The following TIMP3 variants were observed in gnomAD, a reference collection of about 807,000 sequenced individuals.
TIMP3 encodes the protein metalloproteinase inhibitor 3.
A neutral mutation model predicts 30.0 loss-of-function variants in TIMP3; 11 were observed. That is an observed-to-expected ratio of 0.37 (90% CI 0.23 to 0.61). TIMP3 has a LOEUF of 0.61. Ranked by LOEUF, TIMP3 falls within the 20% of genes least tolerant of loss-of-function variation. The probability of loss-of-function intolerance (pLI) is 0.70; values close to 1 mark genes in which losing one functional copy is unlikely to be tolerated. For missense variants in TIMP3, 181 were observed against 276.8 expected (o/e 0.65, Z 2.45); for synonymous variants, 112 against 111.3 (o/e 1.01, Z -0.04).
At position 32,831,130 on chromosome 22, in the gene TIMP3, G is replaced by A. The variant is rs181191429; in HGVS notation, c.122-18322G>A. On this transcript the variant is annotated intron_variant, in intron 1 of 4. Transcript: ENST00000266085. The stretch of plus-strand genomic sequence containing the variant: ...GGCTGAGGTTGAAGTTGAGATCAAG[G>A]TGGCAGCGTGACCCTTATGCCTCAA... Among the ~76,000 whole-genome samples the A allele has an allele frequency of 5.3e-5, 8 of 152,290 alleles. No homozygotes were observed. In the East Asian group the frequency reaches 1.5e-3, roughly 29 times the overall value.
chr22:32,859,379 C>A lies in TIMP3; in HGVS notation c.*2C>A, dbSNP rs151254004. 6.2e-7 allele frequency: 1 copy of A among 1,607,938 alleles called. No homozygotes were observed. On this transcript the variant is annotated 3_prime_UTR_variant, in exon 5 of 5. Coordinates refer to ENST00000266085, the MANE Select transcript of TIMP3 (RefSeq NM_000362.5). ...ATCATCAATGCCACAGACCCCTGAG[C>A]GCCAGACCCTGCCCCACCTCACTTC...
At chr22:32,827,500 G>A (rs2047446935) in intron 1 of TIMP3, among the ~76,000 whole-genome samples, 1 of 152,142 alleles carries the variant, frequency 6.6e-6, no homozygotes, top group Admixed American at 6.5e-5. Flanking sequence ...GTACCTCTGG[G>A]CTTTTCTAGG....
chr22:32,853,343 G>A (rs573459422), intron 2 of TIMP3, among the ~76,000 whole-genome samples: 2 of 152,176 alleles, frequency 1.3e-5, no homozygotes, highest in Admixed American at 6.5e-5. Flanking sequence ...AGAATTTGTG[G>A]GTTTAAATGA....
rs1169816365 is a variant in TIMP3, at chr22:32,814,272, GGA to G, written c.121+12156_121+12157del. ...AGGAAAGAAAGAAAGAGGGAGGGAG[GGA>G]GAGAGGGAGAGAGGGAAGGAAGGAA... On this transcript the variant is annotated intron_variant, in intron 1 of 4. Transcript: ENST00000266085. Among the ~76,000 whole-genome samples, 58 of 36,762 alleles carry G rather than the reference GGA, an allele frequency of 1.6e-3. 1 individual carries two copies. The South Asian group carries it at 0.029, about 18-fold the overall frequency. The allele number at this position is 36,762 out of a possible 152,430, so 24.1% of individuals were successfully genotyped here. A position where few individuals can be genotyped will look rare whatever the true frequency, so the allele number is the denominator to read the frequency against.
chr22:32,852,991 T>G (rs1283759181), intron 2 of TIMP3, among the ~76,000 whole-genome samples: 3 of 152,232 alleles, frequency 2.0e-5, no homozygotes, highest in African/African-American at 7.2e-5. Flanking sequence ...ATGTCCCAGC[T>G]GGTCCTGGGA....
At chr22:32,819,480 T>C (rs1025576017) in intron 1 of TIMP3, among the ~76,000 whole-genome samples, 32 of 152,228 alleles carry the variant, frequency 2.1e-4, no homozygotes, top group African/African-American at 7.7e-4. Flanking sequence ...AGGATGTCCA[T>C]TGACTATAAA....
chr22:32,834,327 T>TTA (rs919470081), intron 1 of TIMP3, among the ~76,000 whole-genome samples: 22 of 102,336 alleles, frequency 2.1e-4, no homozygotes, highest in Non-Finnish European at 4.9e-4. Context: ...TAATTTATTT[T>TTA]TTTTTTTGTA....
chr22:32,839,931 G>A (rs1039575783), intron 1 of TIMP3, among the ~76,000 whole-genome samples: 2 of 151,794 alleles, frequency 1.3e-5, no homozygotes, highest in Non-Finnish European at 2.9e-5. Flanking sequence ...TTCCCAGACC[G>A]CTCAAGCAGA....
chr22:32,862,879 T>G lies in TIMP3; in HGVS notation c.*3502T>G, dbSNP rs1802677. Reference sequence around the variant, plus strand: ...GATCTCGAACCCTGTCTAGAAGGAATGTATTTGTTGCTAAATTTCGTAGCA... The same window carrying G: ...GATCTCGAACCCTGTCTAGAAGGAAGGTATTTGTTGCTAAATTTCGTAGCA... On this transcript the variant is annotated 3_prime_UTR_variant, in exon 5 of 5. Coordinates refer to ENST00000266085, the MANE Select transcript of TIMP3 (RefSeq NM_000362.5). The G allele has an allele frequency of 3.9e-5, 6 of 152,728 alleles. No homozygotes were observed. In the South Asian group the frequency reaches 1.2e-3, roughly 32 times the overall value. 9.5% of individuals were successfully genotyped at this position (152,728 alleles called of 1,614,324 possible). A position where few individuals can be genotyped will look rare whatever the true frequency, so the allele number is the denominator to read the frequency against.
chr22:32,803,818 A>T (rs1365773156), intron 1 of TIMP3, among the ~76,000 whole-genome samples: 1 of 152,156 alleles, frequency 6.6e-6, no homozygotes, highest in Admixed American at 6.5e-5. Flanking sequence ...TCTGCTGGAA[A>T]ATGGGCTGGG....
chr22:32,831,982 G>A (rs938556387), intron 1 of TIMP3, among the ~76,000 whole-genome samples: 2 of 152,118 alleles, frequency 1.3e-5, no homozygotes, highest in African/African-American at 4.8e-5. Context: ...GCAGGCTGTC[G>A]GCATTGTTAC....
intron 1 of TIMP3, among the ~76,000 whole-genome samples, chr22:32,810,880 C>T (rs977057569): frequency 2.0e-5 from 3 of 152,144 alleles, no homozygotes; most frequent in African/African-American, 7.2e-5. Flanking sequence ...TGAATAAGCT[C>T]CCTGCCTTTT....
At chr22:32,841,600 ATAAATGTAGAC>A (rs1388070590) in intron 1 of TIMP3, among the ~76,000 whole-genome samples, 1 of 152,168 alleles carries the variant, frequency 6.6e-6, no homozygotes, top group South Asian at 2.1e-4. Context: ...GCTTGCAGGT[ATAAATGTAGAC>A]TAAATGTAGA....
At chr22:32,841,230 C>T (rs565380695) in intron 1 of TIMP3, among the ~76,000 whole-genome samples, 40 of 152,160 alleles carry the variant, frequency 2.6e-4, no homozygotes, top group Admixed American at 6.5e-4. Flanking sequence ...ACCTGCTGCC[C>T]GGGGAGGCTT....
intron 2 of TIMP3, among the ~76,000 whole-genome samples, chr22:32,855,811 G>A (rs1451872166): frequency 2.0e-5 from 3 of 152,152 alleles, no homozygotes; most frequent in Non-Finnish European, 4.4e-5. Flanking sequence ...GGGCAAAATT[G>A]CCTCCAGTTG....
rs186021881 is a variant in TIMP3 at position 32,835,186 on chromosome 22, T to C, written c.122-14266T>C. On this transcript the variant is annotated intron_variant, in intron 1 of 4. Transcript: ENST00000266085. The stretch of plus-strand genomic sequence containing the variant: ...TGACAGAGTGCACAGTAGAGAAAGG[T>C]AGGGTGATACACTCTTCTTAGGAAG... 3.9e-5 allele frequency among the ~76,000 whole-genome samples: 6 copies of C among 152,232 alleles called. No individual in the cohort carries two copies. In the East Asian group the frequency reaches 1.2e-3, roughly 29 times the overall value.
chr22:32,832,673 GTATTT>G (rs564439917), intron 1 of TIMP3, among the ~76,000 whole-genome samples: 8 of 151,440 alleles, frequency 5.3e-5, no homozygotes, highest in Admixed American at 1.3e-4. Flanking sequence ...AAACCCTCGA[GTATTT>G]TATTTTATTT....
At chr22:32,816,309 A>C (rs962384368) in intron 1 of TIMP3, among the ~76,000 whole-genome samples, 1 of 152,206 alleles carries the variant, frequency 6.6e-6, no homozygotes, top group African/African-American at 2.4e-5. Flanking sequence ...ATTCCTGACT[A>C]CGGGCCACAC....
At chr22:32,858,610 G>C (rs554636122) in intron 4 of TIMP3, among the ~76,000 whole-genome samples, 1 of 152,314 alleles carries the variant, frequency 6.6e-6, no homozygotes, top group Admixed American at 6.5e-5. Flanking sequence ...CCTGACCCAA[G>C]TATAGGGCCA....
Sources: gnomAD v4.1 joint callset for allele counts (sites outside exome capture counted in the v4.1 genomes callset) on GRCh38, gnomAD v4.1.1 for gene constraint, MANE v1.5 for transcripts, NCBI Gene and HGNC (gene_info 2026-07-23, HGNC 2026-07-21) for gene names.